Variants in ZNF69 observed in about 807,000 individuals in gnomAD.
ZNF69 encodes the protein zinc finger protein 69.
ZNF69 carries 47 observed loss-of-function variants against 50.9 expected under a neutral mutation model. The observed-to-expected ratio is 0.92, with a 90% CI of 0.73 to 1.18. The LOEUF (loss-of-function observed/expected upper bound fraction) is 1.18. ZNF69 is among the 50% of genes most tolerant of loss of function. The pLI, the probability that ZNF69 is intolerant of heterozygous loss-of-function variation, is 0.00. For synonymous variants in ZNF69, 216 were observed against 223.1 expected (o/e 0.97, Z 0.29); for missense variants, 717 against 675.1 (o/e 1.06, Z -0.69).
chr19:11,948,139 C>G, the ZNF69 span: 1 of 1,005,468 alleles, frequency 9.9e-7, no homozygotes, highest in Non-Finnish European at 1.4e-6. Context: ...CATGTCCAGT[C>G]ACCTTCAAAC....
the ZNF69 span, among the ~76,000 whole-genome samples, chr19:11,920,000 A>G: frequency 6.6e-6 from 1 of 152,004 alleles, no homozygotes; most frequent in Admixed American, 6.6e-5. Flanking sequence ...CAAATCTTCT[A>G]CTTTTCCTCT....
chr19:11,897,147 A>AGACC (rs1274930071), intron 1 of ZNF69, among the ~76,000 whole-genome samples: 1 of 152,186 alleles, frequency 6.6e-6, no homozygotes, highest in East Asian at 1.9e-4. Flanking sequence ...CAGGAGTTCA[A>AGACC]GACCAGCCTG....
At chr19:11,947,187 G>C in the ZNF69 span, 4 of 1,613,796 alleles carry the variant, frequency 2.5e-6, no homozygotes, top group Non-Finnish European at 3.4e-6. Flanking sequence ...TCAGGACCCA[G>C]TGGCCTTTGA....
Position 11,897,535 on chromosome 19 carries a change from G to A in ZNF69, c.64-6038G>A, listed in dbSNP as rs150274790. 7.7e-3 allele frequency among the ~76,000 whole-genome samples: 1,115 copies of A among 144,584 alleles called. 19 individuals carry two copies. Among genetic ancestry groups the A allele is most frequent in the African/African-American group, 0.026 (988 of 38,742 alleles). 94.9% of individuals were successfully genotyped at this position (144,584 alleles called of 152,430 possible). On this transcript the variant is annotated intron_variant, in intron 1 of 3. Transcript: ENST00000429654. ...GGCTGCAGTGAGCTATGATTGCACC[G>A]CTACACTCCAGCCTGGGCAACAGAA...
chr19:11,925,265 C>T, the ZNF69 span: 3 of 1,612,462 alleles, frequency 1.9e-6, no homozygotes, highest in African/African-American at 2.7e-5. Context: ...ATCTGAAAGC[C>T]GGGAAATGGT....
the ZNF69 span, chr19:11,976,747 T>C: frequency 2.1e-5 from 11 of 522,056 alleles, no homozygotes. Flanking sequence ...ATGCCTGTAA[T>C]CCCAGCTACT....
chr19:11,932,669 GCC>G, the ZNF69 span, among the ~76,000 whole-genome samples: 1 of 105,426 alleles, frequency 9.5e-6, no homozygotes, highest in Non-Finnish European at 1.8e-5. Flanking sequence ...ACAGAGTCTT[GCC>G]CTGTCGCCCA....
At chr19:11,938,694 A>C in the ZNF69 span, among the ~76,000 whole-genome samples, 1 of 152,198 alleles carries the variant, frequency 6.6e-6, no homozygotes, top group Non-Finnish European at 1.5e-5. Context: ...ATACATGTGC[A>C]TGTGTCTTTA....
rs190394638 is a variant in ZNF69 at position 11,898,243 on chromosome 19, G to T, written c.64-5330G>T. On this transcript the variant is annotated intron_variant, in intron 1 of 3. Coordinates refer to ENST00000429654, the MANE Select transcript of ZNF69 (RefSeq NM_001364730.1). ...TTGGATTTTATTTTAACTCAGTTAT[G>T]AACCTTATATGGAATGATAGTTAAT... is the stretch of plus-strand genomic sequence containing the variant. Among the ~76,000 whole-genome samples the T allele has an allele frequency of 1.7e-3, 263 of 152,144 alleles. 1 individual carries two copies. Among genetic ancestry groups the T allele is most frequent in the African/African-American group, 5.5e-3 (230 of 41,516 alleles).
intron 1 of ZNF69, among the ~76,000 whole-genome samples, chr19:11,890,555 C>T (rs1977060519): frequency 1.3e-5 from 2 of 152,258 alleles, no homozygotes; most frequent in South Asian, 4.1e-4. Flanking sequence ...TTTCTTATGT[C>T]TTCCTTTTCT....
At chr19:11,897,651 T>A (rs1972154572) in intron 1 of ZNF69, among the ~76,000 whole-genome samples, 1 of 149,872 alleles carries the variant, frequency 6.7e-6, no homozygotes, top group Admixed American at 6.7e-5. Context: ...GGCGGGTGGA[T>A]CACAAGGTCA....
At chr19:11,945,610 C>T in the ZNF69 span, among the ~76,000 whole-genome samples, 65 of 152,274 alleles carry the variant, frequency 4.3e-4, 1 homozygote, top group South Asian at 0.013. Context: ...GTTTGGTTGA[C>T]TGCCAGCCCT....
the ZNF69 span, chr19:11,950,061 G>A: frequency 5.6e-6 from 9 of 1,614,090 alleles, no homozygotes; most frequent in Admixed American, 1.3e-4. Flanking sequence ...ATGAATGTAA[G>A]CATTGTGGGA....
the ZNF69 span, among the ~76,000 whole-genome samples, chr19:11,951,268 G>T: frequency 7.0e-6 from 1 of 142,622 alleles, no homozygotes; most frequent in African/African-American, 2.7e-5. Flanking sequence ...TCATTCTGTC[G>T]CCCAGGATAG....
At position 11,893,488 on chromosome 19, in the gene ZNF69, C is replaced by G. The variant is rs112956209; in HGVS notation, c.63+5502C>G. Among the ~76,000 whole-genome samples, 938 of 152,292 alleles carry G rather than the reference C, an allele frequency of 6.2e-3. 9 individuals carry two copies. Among genetic ancestry groups the G allele is most frequent in the African/African-American group, 0.022 (896 of 41,556 alleles). ...ATGAGAGGAAAGCAGTGAATAACCA[C>G]TAGACATTTTCCCGAAAAATCCTTT... On this transcript the variant is annotated intron_variant, in intron 1 of 3. Transcript: ENST00000429654.
At chr19:11,933,292 A>T in the ZNF69 span, among the ~76,000 whole-genome samples, 12 of 148,332 alleles carry the variant, frequency 8.1e-5, 1 homozygote, top group African/African-American at 3.2e-4. Flanking sequence ...AACCATATTG[A>T]CTGTGTGTAG....
the ZNF69 span, among the ~76,000 whole-genome samples, chr19:11,937,746 CCAAGGTG>C: frequency 6.1e-3 from 930 of 152,170 alleles, 10 homozygotes; most frequent in African/African-American, 0.021. Context: ...CCTCAGCCTC[CCAAGGTG>C]CTGGGATTAC....
the ZNF69 span, chr19:11,978,812 T>C: frequency 6.2e-7 from 1 of 1,614,096 alleles, no homozygotes; most frequent in Non-Finnish European, 8.5e-7. Flanking sequence ...TCAGTTGGTG[T>C]CATTCCTTTC....
chr19:11,894,873 A>G (rs568793731), intron 1 of ZNF69, among the ~76,000 whole-genome samples: 2 of 152,270 alleles, frequency 1.3e-5, no homozygotes, highest in African/African-American at 4.8e-5. Context: ...ACTGTGAAGG[A>G]AGACAAAACC....
Sources: gnomAD v4.1 joint callset for allele counts (sites outside exome capture counted in the v4.1 genomes callset) on GRCh38, gnomAD v4.1.1 for gene constraint, MANE v1.5 for transcripts, NCBI Gene and HGNC (gene_info 2026-07-23, HGNC 2026-07-21) for gene names.